BBOF1: variants seen among roughly 807,000 people sequenced by gnomAD.
BBOF1 encodes the protein basal body-orientation factor 1.
In BBOF1, 62 loss-of-function variants were observed where a neutral mutation model predicts 68.0. The ratio of observed to expected loss-of-function variants is 0.91; its 90% CI spans 0.74 to 1.13. The LOEUF is 1.13. Among genes scored for constraint, BBOF1 ranks in the 50% most tolerant of loss-of-function variants. The pLI is 0.00. For missense variants in BBOF1, 534 were observed against 600.1 expected (o/e 0.89, Z 1.15); for synonymous variants, 208 against 198.8 (o/e 1.05, Z -0.39).
At chr14:74,051,366 T>C (rs1233422758) in intron 8 of BBOF1, among the ~76,000 whole-genome samples, 2 of 151,676 alleles carry the variant, frequency 1.3e-5, no homozygotes, top group East Asian at 3.9e-4. Flanking sequence ...TGAGCCAAGA[T>C]TGCATCACTG....
chr14:74,056,783 C>G, intron 9 of BBOF1, 123 bp from the exon 10 acceptor site: 1 of 664,296 alleles, frequency 1.5e-6, no homozygotes, highest in Non-Finnish European at 2.6e-6. Context: ...CCCACAAATA[C>G]GTATACCTAC....
chr14:74,080,041 A>C (rs1371196741), intron 10 of BBOF1, among the ~76,000 whole-genome samples: 1 of 151,444 alleles, frequency 6.6e-6, no homozygotes, highest in Non-Finnish European at 1.5e-5. Context: ...CTATCTTAAA[A>C]AAACAAAAAC....
At chr14:74,028,641 C>T (rs1359907027) in intron 2 of BBOF1, among the ~76,000 whole-genome samples, 1 of 151,872 alleles carries the variant, frequency 6.6e-6, no homozygotes. Flanking sequence ...GCACTTAGGC[C>T]AAGGCAGGGG....
chr14:74,058,368 G>T (rs914157300), intron 11 of BBOF1: 5 of 150,524 alleles, frequency 3.3e-5, no homozygotes, highest in African/African-American at 9.8e-5. Context: ...ACTACCAGTT[G>T]CCAGCTGTGA....
intron 9 of BBOF1, among the ~76,000 whole-genome samples, chr14:74,075,697 G>A (rs2060605474): frequency 6.6e-6 from 1 of 151,752 alleles, no homozygotes; most frequent in Non-Finnish European, 1.5e-5. Flanking sequence ...AAGTAATAGA[G>A]TATATAATCA....
At position 74,019,426 on chromosome 14, in the gene BBOF1, C is replaced by A; in HGVS notation, c.-53C>A. 14 of 1,571,570 alleles carry A rather than the reference C, an allele frequency of 8.9e-6. No individual in the cohort carries two copies. The highest frequency in any genetic ancestry group is 1.2e-5 in the Non-Finnish European group (14 of 1,159,164). ...CGGTTCCCTTGGAGACAGAGCTGGC[C>A]AGGGCGGCCGCGGCTGGGCAACTAC... is the stretch of plus-strand genomic sequence containing the variant. On this transcript the variant is annotated 5_prime_UTR_variant, in exon 1 of 12. Transcript: ENST00000394009.
At chr14:74,061,070 C>T (rs1483700828) in intron 11 of BBOF1, among the ~76,000 whole-genome samples, 1 of 151,906 alleles carries the variant, frequency 6.6e-6, no homozygotes, top group African/African-American at 2.4e-5. Context: ...CTCTGCCTCC[C>T]GGGTTCAAGC....
intron 11 of BBOF1, among the ~76,000 whole-genome samples, chr14:74,063,578 T>C (rs1202517114): frequency 6.6e-6 from 1 of 151,914 alleles, no homozygotes; most frequent in Non-Finnish European, 1.5e-5. Context: ...ATAAAGAAGG[T>C]ATCCTGGTTG....
rs555662111 is a variant in BBOF1 at position 74,075,286 on chromosome 14, C to A, written n.1380-2910C>A. On this transcript the variant is annotated intron_variant and non_coding_transcript_variant, in intron 9 of 12. Coordinates refer to the BBOF1 transcript ENST00000492026. ...TTATATTTTCCTAATTTGGGCCTGG[C>A]AAATGTACCATAAATCTAACAATAT... 7.9e-5 allele frequency among the ~76,000 whole-genome samples: 12 copies of A among 152,072 alleles called. No individual in the cohort carries two copies. In the East Asian group the frequency reaches 2.3e-3, roughly 29 times the overall value.
intron 5 of BBOF1, among the ~76,000 whole-genome samples, chr14:74,043,519 C>T (rs1425311550): frequency 3.7e-5 from 5 of 136,782 alleles, no homozygotes; most frequent in East Asian, 4.8e-4. Flanking sequence ...CACTGCAGTC[C>T]GCAGTCCGGC....
chr14:74,039,013 T>C (rs1404181460), intron 4 of BBOF1, among the ~76,000 whole-genome samples: 1 of 152,232 alleles, frequency 6.6e-6, no homozygotes, highest in Non-Finnish European at 1.5e-5. Flanking sequence ...TAAATAGTTT[T>C]AGTCTTCTTT....
chr14:74,056,034 A>AT lies in BBOF1; in HGVS notation c.1388+364dup, dbSNP rs202158412. ...ATTTTATTGGTTTGCAAAGATAAGT[A>AT]TTTTTTTTTTTTTTTGAGATGGGGT... On this transcript the variant is annotated intron_variant, in intron 9 of 11. Transcript: ENST00000394009. Among the ~76,000 whole-genome samples the AT allele has an allele frequency of 8.2e-3, 1,182 of 144,266 alleles. 10 individuals carry two copies. Among genetic ancestry groups the AT allele is most frequent in the Middle Eastern group, 0.04 (11 of 278 alleles). 94.6% of individuals were successfully genotyped at this position (144,266 alleles called of 152,430 possible).
chr14:74,043,311 G>A (rs1466972214), intron 5 of BBOF1, among the ~76,000 whole-genome samples: 1 of 151,504 alleles, frequency 6.6e-6, no homozygotes, highest in African/African-American at 2.4e-5. Context: ...AGCACTTTGG[G>A]AGGCCGAGGC....
Position 74,065,088 on chromosome 14 carries a change from C to T in BBOF1, c.*389C>T. On this transcript the variant is annotated 3_prime_UTR_variant, in exon 12 of 12. Transcript: ENST00000394009. ...GGGGCAATGTGGGAGGTCATGGGGG[C>T]AATCTTAAACCAATGACTCACCATT... 6.7e-7 allele frequency: 1 copy of T among 1,490,466 alleles called. No homozygotes were observed. Among genetic ancestry groups the T allele is most frequent in the Non-Finnish European group, 9.3e-7 (1 of 1,075,566 alleles). The allele number at this position is 1,490,466 out of a possible 1,614,324, so 92.3% of individuals were successfully genotyped here. A position where few individuals can be genotyped will look rare whatever the true frequency, so the allele number is the denominator to read the frequency against.
chr14:74,054,624 G>A (rs533016080), intron 8 of BBOF1, among the ~76,000 whole-genome samples: 4 of 143,572 alleles, frequency 2.8e-5, no homozygotes, highest in Admixed American at 1.4e-4. Context: ...TGATCCTCCC[G>A]CCTCAGCCTC....
At chr14:74,064,352 C>G (rs10047829) in intron 11 of BBOF1, among the ~76,000 whole-genome samples, 36,385 of 150,918 alleles carry the variant, frequency 0.24, 4,966 homozygotes, top group South Asian at 0.47. Flanking sequence ...CTACAAAGAA[C>G]GTGCTCAACA....
At chr14:74,032,462 TG>T (rs1203428452) in intron 3 of BBOF1, among the ~76,000 whole-genome samples, 1 of 150,028 alleles carries the variant, frequency 6.7e-6, no homozygotes, top group African/African-American at 2.5e-5. Context: ...AGGTGAGAAA[TG>T]GGTATTTTTC....
At chr14:74,072,275 T>G (rs1224161150) in intron 9 of BBOF1, 1 of 1,614,238 alleles carries the variant, frequency 6.2e-7, no homozygotes, top group African/African-American at 1.3e-5. Flanking sequence ...TGTCTGCCCA[T>G]GCAGGAAAAG....
At chr14:74,073,135 C>T (rs530438750) in intron 9 of BBOF1, among the ~76,000 whole-genome samples, 1 of 151,762 alleles carries the variant, frequency 6.6e-6, no homozygotes, top group African/African-American at 2.4e-5. Flanking sequence ...GAGACATGGT[C>T]TCACTCTGTT....
Sources: gnomAD v4.1 joint callset for allele counts (sites outside exome capture counted in the v4.1 genomes callset) on GRCh38, gnomAD v4.1.1 for gene constraint, MANE v1.5 for transcripts, NCBI Gene and HGNC (gene_info 2026-07-23, HGNC 2026-07-21) for gene names.